The following ATP6V1B1 variants were observed in gnomAD, a reference collection of about 807,000 sequenced individuals.
ATP6V1B1 encodes V-type proton ATPase subunit B, kidney isoform.
In ATP6V1B1, 41 loss-of-function variants were observed where a neutral mutation model predicts 62.1. The ratio of observed to expected loss-of-function variants is 0.66; its 90% CI spans 0.51 to 0.86. The LOEUF (loss-of-function observed/expected upper bound fraction) is 0.86, where lower values mean the gene tolerates loss of function less well. Ranked by LOEUF, ATP6V1B1 falls within the 40% of genes least tolerant of loss-of-function variation. The probability of loss-of-function intolerance (pLI) is 0.00; values close to 1 mark genes in which losing one functional copy is unlikely to be tolerated. For synonymous variants in ATP6V1B1, 253 were observed against 273.4 expected (o/e 0.93, Z 0.74); for missense variants, 651 against 697.5 (o/e 0.93, Z 0.75).
At chr2:70,944,596 C>T (rs1006803028) in intron 2 of ATP6V1B1, among the ~76,000 whole-genome samples, 10 of 152,076 alleles carry the variant, frequency 6.6e-5, no homozygotes, top group Non-Finnish European at 1.5e-4. Flanking sequence ...CTCCATCCTC[C>T]AGCCCTTCAG....
chr2:70,962,970 C>A, intron 9 of ATP6V1B1, 70 bp downstream of exon 9: 1 of 1,609,594 alleles, frequency 6.2e-7, no homozygotes, highest in Non-Finnish European at 8.5e-7. Flanking sequence ...CAGACGGTCA[C>A]CCTGCAAATA....
intron 4 of ATP6V1B1, 31 bp downstream of exon 4, chr2:70,958,457 T>A: frequency 1.9e-6 from 3 of 1,588,404 alleles, no homozygotes; most frequent in Non-Finnish European, 2.6e-6. Context: ...GGGGTGGGGG[T>A]GCTCCTCTGC....
At position 70,961,578 on chromosome 2, in the gene ATP6V1B1, AC is replaced by A. The variant is rs531906617; in HGVS notation, c.688-15del. Reference sequence around the variant, plus strand: ...GGCCACAGGGCCCTACCTCCAGCCCACCCTGCTGTGTATCCAGGTGAACATG... The same window carrying A: ...GGCCACAGGGCCCTACCTCCAGCCCACCTGCTGTGTATCCAGGTGAACATG... On this transcript the variant is annotated splice_polypyrimidine_tract_variant and intron_variant, in intron 7 of 13. Coordinates refer to ENST00000234396, the MANE Select transcript of ATP6V1B1 (RefSeq NM_001692.4). The A allele has an allele frequency of 6.2e-7, 1 of 1,613,826 alleles. No homozygotes were observed. The highest frequency in any genetic ancestry group is 1.1e-5 in the South Asian group (1 of 91,086).
intron 1 of ATP6V1B1, among the ~76,000 whole-genome samples, chr2:70,938,029 G>A: frequency 6.6e-6 from 1 of 152,170 alleles, no homozygotes; most frequent in East Asian, 1.9e-4. Context: ...CCAGAGCAAA[G>A]GTCAGTGCAG....
At position 70,961,056 on chromosome 2, in the gene ATP6V1B1, G is replaced by A. The variant is rs781804466; in HGVS notation, c.687+34G>A. 4 of 1,551,630 alleles carry A rather than the reference G, an allele frequency of 2.6e-6. No homozygotes were observed. In the Admixed American group the frequency reaches 7.8e-5, roughly 30 times the overall value. ...ACTTAGTAGACTGGCAAGTTCTGGA[G>A]GCTGTGAGCAGGCAGCCTGTCTCCC... On this transcript the variant is annotated intron_variant, in intron 7 of 13. Transcript: ENST00000234396.
At chr2:70,942,120 C>T (rs1398147794) in intron 1 of ATP6V1B1, 1 of 880,032 alleles carries the variant, frequency 1.1e-6, no homozygotes, top group African/African-American at 1.7e-5. Context: ...GGTCCTTCAC[C>T]CCATGGAGTC....
chr2:70,935,975 C>T lies in ATP6V1B1; in HGVS notation c.21C>T (p.Ser7=). The change falls in exon 1 of 14, where the codon AGC becomes AGT. Residue 7 remains serine, a synonymous_variant. Coordinates refer to ENST00000234396, the MANE Select transcript of ATP6V1B1 (RefSeq NM_001692.4). ...GCTCCATGGCCATGGAGATAGACAG[C>T]AGGCCTGGGGGGCTCCCCGGCAGTA... is the stretch of plus-strand genomic sequence containing the variant. The part of the protein sequence containing the change: MAMEID[S]RPGGLPGSSC... 1 of 1,613,852 alleles carries T rather than the reference C, an allele frequency of 6.2e-7. No individual in the cohort carries two copies. Among genetic ancestry groups the T allele is most frequent in the Admixed American group, 1.7e-5 (1 of 59,982 alleles).
rs1680629438 is a variant in ATP6V1B1, at chr2:70,963,095, C to T, written c.910-67C>T. ...CATTTCTCACAGGGTCACTGAACCT[C>T]CCACCCACCCTTCCTAGCTTCAGCC... On this transcript the variant is annotated intron_variant, in intron 9 of 13. Transcript: ENST00000234396. The surrounding 1 kb of genome is among the most constrained non-coding windows in gnomAD (Gnocchi z 4.3). 4 of 1,609,950 alleles carry T rather than the reference C, an allele frequency of 2.5e-6. No individual in the cohort carries two copies. In the Admixed American group the frequency reaches 5.0e-5, roughly 20 times the overall value.
chr2:70,963,462 GC>G lies in ATP6V1B1; in HGVS notation c.1061-104del. 2.6e-6 allele frequency: 4 copies of G among 1,523,424 alleles called. No individual in the cohort carries two copies. The highest frequency in any genetic ancestry group is 2.3e-5 in the East Asian group (1 of 43,698). 94.4% of individuals were successfully genotyped at this position (1,523,424 alleles called of 1,614,324 possible). A position where few individuals can be genotyped will look rare whatever the true frequency, so the allele number is the denominator to read the frequency against. ...CACTGCCCTTTCCTCCACCATCCAT[GC>G]CCCCCACACATCCCTATCACTCCCA... On this transcript the variant is annotated intron_variant, in intron 10 of 13. Transcript: ENST00000234396. This position sits in a 1 kb window ranked among gnomAD's most constrained non-coding sequence, Gnocchi z 4.3.
chr2:70,965,252 G>GC lies in ATP6V1B1; in HGVS notation c.*132dup, dbSNP rs1210573944. ...CTCCGCTGGCTCCGAGGTGGTGGGG[G>GC]CGCCGCACGCTCCATCCCTTTCCCT... On this transcript the variant is annotated 3_prime_UTR_variant, in exon 14 of 14. Coordinates refer to ENST00000234396, the MANE Select transcript of ATP6V1B1 (RefSeq NM_001692.4). 5 of 1,289,556 alleles carry GC rather than the reference G, an allele frequency of 3.9e-6. No individual in the cohort carries two copies. The East Asian group carries it at 1.0e-4, about 26-fold the overall frequency. 79.9% of individuals were successfully genotyped at this position (1,289,556 alleles called of 1,614,324 possible). A position where few individuals can be genotyped will look rare whatever the true frequency, so the allele number is the denominator to read the frequency against.
At chr2:70,943,107 G>C (rs1354518804) in intron 1 of ATP6V1B1, among the ~76,000 whole-genome samples, 2 of 152,198 alleles carry the variant, frequency 1.3e-5, no homozygotes, top group African/African-American at 4.8e-5. Flanking sequence ...AGTGAGCCTG[G>C]GGAGTCCAGG....
At chr2:70,957,963 G>A in intron 2 of ATP6V1B1, 83 bp from the exon 3 acceptor site, 1 of 1,270,398 alleles carries the variant, frequency 7.9e-7, no homozygotes. Flanking sequence ...AACAGTTTGG[G>A]ACTGGGTCAG....
intron 1 of ATP6V1B1, chr2:70,940,403 C>T (rs1347069702): frequency 3.0e-6 from 3 of 985,274 alleles, no homozygotes; most frequent in East Asian, 1.1e-4. Flanking sequence ...CTTCCCCCAG[C>T]GCAGCCCTTT....
chr2:70,959,921 G>A lies in ATP6V1B1; in HGVS notation c.446-18G>A, dbSNP rs368029770. On this transcript the variant is annotated intron_variant, in intron 5 of 13. Coordinates refer to ENST00000234396, the MANE Select transcript of ATP6V1B1 (RefSeq NM_001692.4). This position sits in a 1 kb window ranked among gnomAD's most constrained non-coding sequence, Gnocchi z 4.2. ...GGTTTGAACCCCTGAGCATGGCTCT[G>A]TGATCGCCCTCTCCCAGGCCAGCCC... 7 of 1,614,008 alleles carry A rather than the reference G, an allele frequency of 4.3e-6. No individual in the cohort carries two copies. The African/African-American group carries it at 6.7e-5, about 15-fold the overall frequency.
Position 70,965,073 on chromosome 2 carries a change from T to C in ATP6V1B1, c.1494T>C (p.Tyr498=). The C allele has an allele frequency of 6.2e-7, 1 of 1,613,232 alleles. No individual in the cohort carries two copies. The change falls in exon 14 of 14, where the codon TAT becomes TAC. Residue 498 remains tyrosine, a synonymous_variant. Transcript: ENST00000234396. The part of the protein sequence containing the change: ...RIPQAVIDEF[Y]SREGALQDLA... Reference sequence around the variant, plus strand: ...CGCAGGCCGTGATCGACGAGTTCTATTCCCGCGAGGGGGCGCTGCAGGACC... The same window carrying C: ...CGCAGGCCGTGATCGACGAGTTCTACTCCCGCGAGGGGGCGCTGCAGGACC...
chr2:70,945,287 G>A (rs13400765), intron 2 of ATP6V1B1, among the ~76,000 whole-genome samples: 23,831 of 152,134 alleles, frequency 0.16, 2,189 homozygotes, highest in East Asian at 0.48. Flanking sequence ...CAAAGTCACA[G>A]GTACCGTGGA....
At chr2:70,964,112 G>GTCTTTTT in intron 11 of ATP6V1B1, 1 of 156,556 alleles carries the variant, frequency 6.4e-6, no homozygotes. Flanking sequence ...TGCTTGGCAG[G>GTCTTTTT]TATTTTTTTT....
At position 70,964,968 on chromosome 2, in the gene ATP6V1B1, GA is replaced by G; in HGVS notation, c.1391del (p.Asn464ThrfsTer23). 1 of 1,613,972 alleles carries G rather than the reference GA, an allele frequency of 6.2e-7. No homozygotes were observed. The highest frequency in any genetic ancestry group is 8.5e-7 in the Non-Finnish European group (1 of 1,180,032). ...CCGCTCTGTCCCTAGGCCCCTACGA[GA>G]ACCGCTCGGTGTTCGAGTCGCTGGA... ...KNFINQGPYENRSVFESLDLG... is the reference protein window; with the variant it reads ...KNFINQGPYEXRSVFESLDLG... On this transcript the variant is annotated frameshift_variant, in exon 14 of 14. Coordinates refer to ENST00000234396, the MANE Select transcript of ATP6V1B1 (RefSeq NM_001692.4). LOFTEE classifies it high-confidence loss of function.
In ATP6V1B1 at chr2:70,965,158, C is replaced by A. The variant is rs527631210; in HGVS notation, c.*37C>A. 32 of 1,600,010 alleles carry A rather than the reference C, an allele frequency of 2.0e-5. No individual in the cohort carries two copies. The African/African-American group carries it at 2.8e-4, about 14-fold the overall frequency. Reference sequence around the variant, plus strand: ...GTGGCACCCCAACACCGGCAGGGAACCTACCCTCGGCTCCCGGGTCTCCCC... The same window carrying A: ...GTGGCACCCCAACACCGGCAGGGAAACTACCCTCGGCTCCCGGGTCTCCCC... On this transcript the variant is annotated 3_prime_UTR_variant, in exon 14 of 14. Coordinates refer to ENST00000234396, the MANE Select transcript of ATP6V1B1 (RefSeq NM_001692.4).
Sources: allele counts gnomAD v4.1 joint callset (sites outside exome capture counted in the v4.1 genomes callset), GRCh38; gene constraint gnomAD v4.1.1; non-coding constraint Gnocchi (gnomAD v3.1); transcripts MANE v1.5; gene names NCBI Gene and HGNC (gene_info 2026-07-23, HGNC 2026-07-21).